OLA1: variants seen among roughly 807,000 people sequenced by gnomAD.
OLA1 encodes the protein Obg like ATPase 1.
A neutral mutation model predicts 48.4 loss-of-function variants in OLA1; 14 were observed. The ratio of observed to expected loss-of-function variants is 0.29; its 90% CI spans 0.19 to 0.45. The LOEUF (loss-of-function observed/expected upper bound fraction) is 0.45, where lower values mean the gene tolerates loss of function less well. OLA1 is among the 20% of genes least tolerant of loss of function. The pLI, the probability that OLA1 is intolerant of heterozygous loss-of-function variation, is 1.00. For synonymous variants in OLA1, 127 were observed against 150.4 expected, an observed-to-expected ratio of 0.84 and a Z score of 1.14; for missense variants, 325 against 467.1, an observed-to-expected ratio of 0.70 and a Z score of 2.80.
intron 7 of OLA1, among the ~76,000 whole-genome samples, chr2:174,104,177 T>A (rs1420669517): frequency 6.6e-6 from 1 of 151,626 alleles, no homozygotes; most frequent in East Asian, 1.9e-4. Flanking sequence ...CAACACTATA[T>A]AATTACTTAA....
rs770794018 is a variant in OLA1, at chr2:174,186,198, C to A, written c.373+36835G>T. Among the ~76,000 whole-genome samples the A allele has an allele frequency of 6.5e-4, 99 of 152,158 alleles. 1 individual carries two copies. Among genetic ancestry groups the A allele is most frequent in the Non-Finnish European group, 1.3e-3 (87 of 67,994 alleles). ...TTAACATATAAATTTATTGTCTTCACAATAATAATTCCAACAAGATTTCTG... is the reference window on the plus strand; with the variant it reads ...TTAACATATAAATTTATTGTCTTCAAAATAATAATTCCAACAAGATTTCTG... On this transcript the variant is annotated intron_variant, in intron 4 of 10. Transcript: ENST00000284719.
intron 7 of OLA1, among the ~76,000 whole-genome samples, chr2:174,095,347 TTTG>T (rs1257603654): frequency 0.016 from 1,933 of 119,074 alleles, 28 homozygotes; most frequent in African/African-American, 0.047. Flanking sequence ...TTTTTTTTTT[TTTG>T]TTGTTGTTGT....
In OLA1 at chr2:174,073,135, G is replaced by A. The variant is rs1684645073; in HGVS notation, c.*2291C>T. 1 of 152,112 alleles carries A rather than the reference G, an allele frequency of 6.6e-6. No individual in the cohort carries two copies. Among genetic ancestry groups the A allele is most frequent in the African/African-American group, 2.4e-5 (1 of 41,398 alleles). The allele number at this position is 152,112 out of a possible 1,614,324, so 9.4% of individuals were successfully genotyped here. On this transcript the variant is annotated 3_prime_UTR_variant, in exon 11 of 11. Coordinates refer to ENST00000284719, the MANE Select transcript of OLA1 (RefSeq NM_013341.5). ...CTCCTAAGTAGCTGGGACTACAGGTGTGTGCCATGATGCCCAGCTAATTTT... is the reference window on the plus strand; with the variant it reads ...CTCCTAAGTAGCTGGGACTACAGGTATGTGCCATGATGCCCAGCTAATTTT...
At chr2:174,146,455 G>A (rs1240041855) in intron 4 of OLA1, among the ~76,000 whole-genome samples, 2 of 152,192 alleles carry the variant, frequency 1.3e-5, no homozygotes, top group East Asian at 1.9e-4. Flanking sequence ...AACAAGAGGA[G>A]CGTTTGTACT....
chr2:174,174,024 A>G (rs1558989720), intron 4 of OLA1, among the ~76,000 whole-genome samples: 1 of 51,646 alleles, frequency 1.9e-5, no homozygotes, highest in Non-Finnish European at 3.7e-5. Flanking sequence ...ATACACACAC[A>G]CACACACACA....
intron 5 of OLA1, 115 bp downstream of exon 5, chr2:174,141,710 C>A: frequency 8.3e-6 from 7 of 840,952 alleles, no homozygotes; most frequent in East Asian, 2.7e-5. Flanking sequence ...CAGAAATAAC[C>A]CTTGGCTTCT....
intron 7 of OLA1, among the ~76,000 whole-genome samples, chr2:174,087,096 G>T (rs150525971): frequency 6.7e-6 from 1 of 148,262 alleles, no homozygotes; most frequent in African/African-American, 2.5e-5. Context: ...GTGTGATCTC[G>T]GCTCACTGCA....
At chr2:174,153,589 C>T (rs566907020) in intron 4 of OLA1, among the ~76,000 whole-genome samples, 2 of 121,500 alleles carry the variant, frequency 1.6e-5, no homozygotes, top group South Asian at 5.9e-4. Context: ...TTTACTTGTA[C>T]TGTAGATAAT....
At chr2:174,131,245 T>A (rs1686173179) in intron 5 of OLA1, among the ~76,000 whole-genome samples, 1 of 152,170 alleles carries the variant, frequency 6.6e-6, no homozygotes, top group South Asian at 2.1e-4. Flanking sequence ...TCTGGCTTCT[T>A]CTGCTCAATA....
intron 5 of OLA1, among the ~76,000 whole-genome samples, chr2:174,131,271 T>G (rs1313820564): frequency 2.0e-5 from 3 of 152,176 alleles, no homozygotes; most frequent in Non-Finnish European, 2.9e-5. Flanking sequence ...TGTGAATTCA[T>G]CCATGTCATT....
At chr2:174,179,717 T>C (rs1416290121) in intron 4 of OLA1, among the ~76,000 whole-genome samples, 3 of 152,060 alleles carry the variant, frequency 2.0e-5, no homozygotes, top group Admixed American at 6.5e-5. Context: ...AGGACAGATA[T>C]ATTATGAATT....
chr2:174,113,095 C>T (rs1458066372), intron 7 of OLA1, among the ~76,000 whole-genome samples: 1 of 152,072 alleles, frequency 6.6e-6, no homozygotes, highest in Non-Finnish European at 1.5e-5. Context: ...TGCCCGCCAC[C>T]AAGCCCAGCT....
rs61502413 is a variant in OLA1, at chr2:174,163,736, AT to A, written c.374-21737del. ...AATATATATATATATATATATATAT[AT>A]ATATATATATATATATATATATATA... On this transcript the variant is annotated intron_variant, in intron 4 of 10. Coordinates refer to ENST00000284719, the MANE Select transcript of OLA1 (RefSeq NM_013341.5). Among the ~76,000 whole-genome samples the A allele has an allele frequency of 1.7e-3, 36 of 21,494 alleles. 2 individuals carry two copies. The South Asian group carries it at 0.055, about 33-fold the overall frequency. The allele number at this position is 21,494 out of a possible 152,430, so 14.1% of individuals were successfully genotyped here.
chr2:174,083,792 T>C (rs1227158447), intron 7 of OLA1, among the ~76,000 whole-genome samples: 1 of 152,070 alleles, frequency 6.6e-6, no homozygotes, highest in Non-Finnish European at 1.5e-5. Context: ...ATAGATTCAA[T>C]GAAAGTGAAA....
rs1483299708 is a variant in OLA1 at position 174,241,335 on chromosome 2, T to G, written c.101+5380A>C. ...TTGTTACTATTTTAAACCATGAACTTTTGGAATGGTTTGCTACACATCAAC... is the reference window on the plus strand; with the variant it reads ...TTGTTACTATTTTAAACCATGAACTGTTGGAATGGTTTGCTACACATCAAC... On this transcript the variant is annotated intron_variant, in intron 2 of 10. Coordinates refer to ENST00000284719, the MANE Select transcript of OLA1 (RefSeq NM_013341.5). Among the ~76,000 whole-genome samples the G allele has an allele frequency of 4.9e-4, 74 of 152,200 alleles. 1 individual carries two copies. Among genetic ancestry groups the G allele is most frequent in the Non-Finnish European group, 2.9e-5 (2 of 68,036 alleles).
At chr2:174,228,340 C>T (rs1055807780) in intron 3 of OLA1, among the ~76,000 whole-genome samples, 1 of 152,074 alleles carries the variant, frequency 6.6e-6, no homozygotes, top group Middle Eastern at 3.2e-3. Context: ...GAAATTATTA[C>T]TTAAGTCTGT....
intron 4 of OLA1, chr2:174,217,850 A>C (rs1314699561): frequency 6.6e-6 from 1 of 152,140 alleles, no homozygotes; most frequent in Non-Finnish European, 1.5e-5. Flanking sequence ...GTGTATAGAA[A>C]AATTTTTAAT....
chr2:174,088,038 AAC>A (rs1685022989), intron 7 of OLA1, among the ~76,000 whole-genome samples: 1 of 152,242 alleles, frequency 6.6e-6, no homozygotes, highest in African/African-American at 2.4e-5. Context: ...AAAATAAATC[AAC>A]AGTGATATCT....
At chr2:174,141,799 T>C in intron 5 of OLA1, 26 bp downstream of exon 5, 1 of 1,548,514 alleles carries the variant, frequency 6.5e-7, no homozygotes, top group Non-Finnish European at 8.8e-7. Flanking sequence ...CTTGAGTATC[T>C]AAAGAAGCTG....
Sources: gnomAD v4.1 joint callset for allele counts (sites outside exome capture counted in the v4.1 genomes callset) on GRCh38, gnomAD v4.1.1 for gene constraint, MANE v1.5 for transcripts, NCBI Gene and HGNC (gene_info 2026-07-23, HGNC 2026-07-21) for gene names.